The following FMN1 variants were observed in gnomAD, a reference collection of about 807,000 sequenced individuals.
The protein encoded by FMN1 is formin-1.
A neutral mutation model predicts 132.4 loss-of-function variants in FMN1; 110 were observed. The ratio of observed to expected loss-of-function variants is 0.83; its 90% CI spans 0.71 to 0.97. FMN1 has a LOEUF of 0.97. FMN1 is among the 50% of genes least tolerant of loss of function. The pLI is 0.00. For missense variants in FMN1, 1,792 were observed against 1,705.3 expected (o/e 1.05, Z -0.90); for synonymous variants, 722 against 651.7 (o/e 1.11, Z -1.64).
chr15:32,985,468 T>A (rs1006980593), intron 7 of FMN1, among the ~76,000 whole-genome samples: 4 of 152,160 alleles, frequency 2.6e-5, no homozygotes, highest in African/African-American at 9.7e-5. Flanking sequence ...TCTTCCAATA[T>A]CCTAGTTGAC....
chr15:32,828,852 C>A (rs932997676), intron 17 of FMN1, among the ~76,000 whole-genome samples: 1 of 152,168 alleles, frequency 6.6e-6, no homozygotes. Flanking sequence ...GTAGTTTCAA[C>A]GTCTTTTACT....
At chr15:32,849,045 G>A (rs1480769875) in intron 17 of FMN1, among the ~76,000 whole-genome samples, 11 of 140,764 alleles carry the variant, frequency 7.8e-5, no homozygotes, top group Non-Finnish European at 1.4e-4. Flanking sequence ...GTGCAGTGGC[G>A]CAATCTCGGC....
At chr15:33,052,612 G>GC (rs1193267421) in intron 6 of FMN1, among the ~76,000 whole-genome samples, 3 of 152,134 alleles carry the variant, frequency 2.0e-5, no homozygotes, top group Admixed American at 1.3e-4. Flanking sequence ...TACAGGCTCA[G>GC]CCCCACAATG....
At chr15:32,804,203 A>C (rs2057578464) in intron 18 of FMN1, 78 bp downstream of exon 18, 1 of 1,046,584 alleles carries the variant, frequency 9.6e-7, no homozygotes, top group Non-Finnish European at 1.4e-6. Context: ...TGCATAGCAA[A>C]ATGAATGCAC....
intron 17 of FMN1, among the ~76,000 whole-genome samples, chr15:32,823,152 GTTTTTTTTTTT>G (rs373185751): frequency 1.4e-4 from 12 of 86,230 alleles, no homozygotes; most frequent in East Asian, 3.0e-4. Context: ...AGTTTCTACT[GTTTTTTTTTTT>G]TTTTTTTTTT....
intron 6 of FMN1, 44 bp from the exon 7 acceptor site, chr15:33,008,119 T>A: frequency 6.7e-7 from 1 of 1,489,900 alleles, no homozygotes; most frequent in Non-Finnish European, 9.2e-7. Flanking sequence ...AGTACAAAAT[T>A]AAGCACAAAA....
intron 7 of FMN1, among the ~76,000 whole-genome samples, chr15:33,007,583 T>C (rs1335388873): frequency 6.6e-6 from 1 of 152,138 alleles, no homozygotes; most frequent in African/African-American, 2.4e-5. Context: ...CTAGGGCTCC[T>C]TCCTTAAATT....
chr15:32,953,378 G>C (rs1427435796), intron 9 of FMN1, among the ~76,000 whole-genome samples: 1 of 152,134 alleles, frequency 6.6e-6, no homozygotes. Context: ...AAGCCTCCTG[G>C]GCTGAGGCAT....
At chr15:32,920,771 T>C (rs2060801065) in intron 10 of FMN1, among the ~76,000 whole-genome samples, 1 of 152,222 alleles carries the variant, frequency 6.6e-6, no homozygotes, top group African/African-American at 2.4e-5. Context: ...GCCAAAAGTC[T>C]TCTGTATTAC....
At chr15:33,040,317 C>T (rs1029532159) in intron 6 of FMN1, among the ~76,000 whole-genome samples, 4 of 152,094 alleles carry the variant, frequency 2.6e-5, no homozygotes, top group East Asian at 1.9e-4. Context: ...TTTCTATAAC[C>T]GCACCTAGAA....
intron 17 of FMN1, among the ~76,000 whole-genome samples, chr15:32,828,003 C>T (rs955781806): frequency 1.3e-5 from 2 of 151,506 alleles, no homozygotes; most frequent in Admixed American, 1.3e-4. Flanking sequence ...TAAAAGGAAT[C>T]GGACCCAGGC....
chr15:32,870,657 G>A (rs749170083), intron 16 of FMN1, among the ~76,000 whole-genome samples: 10 of 152,182 alleles, frequency 6.6e-5, no homozygotes, highest in African/African-American at 9.7e-5. Flanking sequence ...ATGTGGTTAC[G>A]GACGCAGCCT....
chr15:32,896,588 C>T (rs367752581), intron 15 of FMN1, among the ~76,000 whole-genome samples: 3 of 152,052 alleles, frequency 2.0e-5, no homozygotes, highest in Non-Finnish European at 4.4e-5. Context: ...TCCCCATTCC[C>T]GCATCATTCA....
intron 9 of FMN1, among the ~76,000 whole-genome samples, chr15:32,951,368 C>T (rs990893740): frequency 2.6e-5 from 4 of 152,048 alleles, no homozygotes; most frequent in Admixed American, 1.3e-4. Flanking sequence ...AGGAATTCAT[C>T]TCTGAGAATC....
At chr15:32,924,819 C>G (rs1416904946) in intron 10 of FMN1, among the ~76,000 whole-genome samples, 1 of 152,124 alleles carries the variant, frequency 6.6e-6, no homozygotes, top group Non-Finnish European at 1.5e-5. Flanking sequence ...GAGGCTGAGG[C>G]AGGAGAATCA....
At chr15:32,868,969 T>C (rs1017687419) in intron 16 of FMN1, among the ~76,000 whole-genome samples, 4 of 152,156 alleles carry the variant, frequency 2.6e-5, no homozygotes, top group African/African-American at 9.7e-5. Flanking sequence ...GGTATAGGCC[T>C]CTATTTCAGA....
intron 9 of FMN1, among the ~76,000 whole-genome samples, chr15:32,963,048 G>A (rs2030767999): frequency 6.9e-6 from 1 of 144,372 alleles, no homozygotes; most frequent in African/African-American, 2.8e-5. Context: ...GCACACGTAT[G>A]TTTATTGTGG....
intron 5 of FMN1, chr15:33,067,729 C>T: frequency 6.2e-7 from 1 of 1,614,018 alleles, no homozygotes; most frequent in Non-Finnish European, 8.5e-7. Flanking sequence ...CAGCATCTTC[C>T]TCTTCTGGAT....
intron 4 of FMN1, among the ~76,000 whole-genome samples, chr15:33,109,063 C>T (rs532779791): frequency 1.3e-5 from 2 of 151,490 alleles, no homozygotes; most frequent in Middle Eastern, 6.8e-3. Context: ...ATAACTTTAC[C>T]ATTTATAACC....
Sources: allele counts gnomAD v4.1 joint callset (sites outside exome capture counted in the v4.1 genomes callset), GRCh38; gene constraint gnomAD v4.1.1; transcripts MANE v1.5; gene names NCBI Gene and HGNC (gene_info 2026-07-23, HGNC 2026-07-21).